Variants in ACYP2 observed in about 807,000 individuals in gnomAD.
ACYP2 encodes the protein acylphosphatase-2.
In ACYP2, 12 loss-of-function variants were observed where a neutral mutation model predicts 11.2. That is an observed-to-expected ratio of 1.08 (90% CI 0.69 to 1.74). The LOEUF (loss-of-function observed/expected upper bound fraction) is 1.74. ACYP2 is among the 40% of genes most tolerant of loss of function. The pLI, the probability that ACYP2 is intolerant of heterozygous loss-of-function variation, is 0.00. For synonymous variants in ACYP2, 43 were observed against 32.2 expected (o/e 1.33, Z -1.13); for missense variants, 134 against 101.9 (o/e 1.31, Z -1.35).
chr2:54,206,515 A>C (rs1463668606), intron 6 of ACYP2, among the ~76,000 whole-genome samples: 3 of 152,234 alleles, frequency 2.0e-5, no homozygotes, highest in Non-Finnish European at 4.4e-5. Context: ...TAGAAACGAT[A>C]TCTCTATTGT....
intron 6 of ACYP2, among the ~76,000 whole-genome samples, chr2:54,265,762 T>C (rs1026173610): frequency 2.6e-5 from 4 of 152,236 alleles, no homozygotes; most frequent in Non-Finnish European, 2.9e-5. Flanking sequence ...TTGGGAAAGT[T>C]ACTTTTGTGC....
chr2:54,075,667 G>A (rs1677299590), intron 4 of ACYP2, among the ~76,000 whole-genome samples: 1 of 152,014 alleles, frequency 6.6e-6, no homozygotes. Flanking sequence ...GCAAAAATTA[G>A]CCAGGTGTGG....
At chr2:54,282,896 T>C (rs1385383333) in intron 6 of ACYP2, among the ~76,000 whole-genome samples, 1 of 152,076 alleles carries the variant, frequency 6.6e-6, no homozygotes, top group African/African-American at 2.4e-5. Flanking sequence ...TATCTAAGAG[T>C]GGGGCTGGGA....
chr2:54,114,549 T>C (rs768875903), intron 4 of ACYP2, among the ~76,000 whole-genome samples: 2 of 152,132 alleles, frequency 1.3e-5, no homozygotes, highest in Non-Finnish European at 2.9e-5. Flanking sequence ...CTGGGTGAGG[T>C]GGCGCATGCC....
In ACYP2 at chr2:54,152,115, C is replaced by CTTTTT. The variant is rs59900871; in HGVS notation, c.404+13384_404+13388dup. On this transcript the variant is annotated intron_variant, in intron 6 of 6. Transcript: ENST00000607452. Reference sequence around the variant, plus strand: ...CTGATAGGTTACATTAGGGTTGACTCTTTTTTTTTTTTTTTTTTTTTGAGG... The same window carrying CTTTTT: ...CTGATAGGTTACATTAGGGTTGACTCTTTTTTTTTTTTTTTTTTTTTTTTTTGAGG... Among the ~76,000 whole-genome samples, 76 of 106,928 alleles carry CTTTTT rather than the reference C, an allele frequency of 7.1e-4. 2 individuals are homozygous for CTTTTT. The highest frequency in any genetic ancestry group is 2.0e-3 in the African/African-American group (56 of 28,480). 70.1% of individuals were successfully genotyped at this position (106,928 alleles called of 152,430 possible). A position where few individuals can be genotyped will look rare whatever the true frequency, so the allele number is the denominator to read the frequency against.
intron 6 of ACYP2, among the ~76,000 whole-genome samples, chr2:54,257,786 A>G (rs1444134227): frequency 2.6e-5 from 4 of 152,236 alleles, no homozygotes; most frequent in African/African-American, 4.8e-5. Context: ...CTTAGATGAA[A>G]TATATGGCTT....
chr2:54,105,502 A>T (rs951910552), intron 4 of ACYP2, among the ~76,000 whole-genome samples: 1 of 151,892 alleles, frequency 6.6e-6, no homozygotes, highest in African/African-American at 2.4e-5. Context: ...TTTTTGAGGC[A>T]GGGTCTCGTT....
chr2:54,236,200 T>G (rs1686470013), intron 6 of ACYP2, among the ~76,000 whole-genome samples: 1 of 152,150 alleles, frequency 6.6e-6, no homozygotes, highest in African/African-American at 2.4e-5. Flanking sequence ...CCTCCCAAAG[T>G]GCTGGGATTA....
Position 54,219,905 on chromosome 2 carries a change from A to ATATATATTTT in ACYP2, c.404+81158_404+81159insATATATTTTT, listed in dbSNP as rs1288814375. ...TGTATATATATATATATATATATAT[A>ATATATATTTT]TTTTTTTTTTTTTTTTAGTAGAGAT... On this transcript the variant is annotated intron_variant, in intron 6 of 6. Coordinates refer to ENST00000607452, the MANE Select transcript of ACYP2 (RefSeq NM_001320586.2). Among the ~76,000 whole-genome samples the ATATATATTTT allele has an allele frequency of 5.4e-3, 407 of 75,828 alleles. 3 individuals carry two copies. Among genetic ancestry groups the ATATATATTTT allele is most frequent in the East Asian group, 0.017 (40 of 2,408 alleles). The allele number at this position is 75,828 out of a possible 152,430, so 49.7% of individuals were successfully genotyped here.
intron 4 of ACYP2, among the ~76,000 whole-genome samples, chr2:54,095,697 G>A (rs1341928156): frequency 1.5e-5 from 2 of 130,658 alleles, no homozygotes; most frequent in Non-Finnish European, 1.7e-5. Flanking sequence ...GGGGCGGCTG[G>A]CCGGGCAGAG....
At position 54,265,244 on chromosome 2, in the gene ACYP2, T is replaced by A. The variant is rs971842977; in HGVS notation, c.405-39444T>A. ...ACGTGGCTGGGGAGGCCTCACAATC[T>A]TGGTGGAAGGCAAGGAGGAGCAAGT... On this transcript the variant is annotated intron_variant, in intron 6 of 6. Coordinates refer to ENST00000607452, the MANE Select transcript of ACYP2 (RefSeq NM_001320586.2). Among the ~76,000 whole-genome samples, 3 of 152,154 alleles carry A rather than the reference T, an allele frequency of 2.0e-5. No individual in the cohort carries two copies. In the South Asian group the frequency reaches 6.2e-4, roughly 32 times the overall value.
Position 54,185,662 on chromosome 2 carries a change from G to C in ACYP2, c.404+46914G>C, listed in dbSNP as rs562089354. ...TGAAATAGAATAGAAAGTCTAGATAGATAAATATGCATTTATTTGGTGAAC... is the reference window on the plus strand; with the variant it reads ...TGAAATAGAATAGAAAGTCTAGATACATAAATATGCATTTATTTGGTGAAC... On this transcript the variant is annotated intron_variant, in intron 6 of 6. Transcript: ENST00000607452. 1.1e-4 allele frequency among the ~76,000 whole-genome samples: 16 copies of C among 152,274 alleles called. No homozygotes were observed. In the South Asian group the frequency reaches 3.3e-3, roughly 32 times the overall value.
chr2:53,989,981 C>CTTTTTTTTTT (rs112395166), intron 2 of ACYP2, among the ~76,000 whole-genome samples: 4 of 143,186 alleles, frequency 2.8e-5, no homozygotes, highest in Non-Finnish European at 6.1e-5. Context: ...CTTTTCTTTT[C>CTTTTTTTTTT]TTTTTTTTTT....
intron 6 of ACYP2, among the ~76,000 whole-genome samples, chr2:54,202,728 TTTTTTTTTTTTTTTTTTTTG>T (rs1684905398): frequency 1.7e-5 from 2 of 118,836 alleles, no homozygotes; most frequent in African/African-American, 6.7e-5. Context: ...TTTTTTTTTT[TTTTTTTTTTTTTTTTTTTTG>T]AGATGAGTCT....
At chr2:54,108,222 C>T (rs2103713397) in intron 4 of ACYP2, among the ~76,000 whole-genome samples, 1 of 152,316 alleles carries the variant, frequency 6.6e-6, no homozygotes, top group South Asian at 2.1e-4. Context: ...CTGGTGGAAA[C>T]TCTATCACAT....
chr2:54,014,523 G>A (rs1310903501), intron 2 of ACYP2, among the ~76,000 whole-genome samples: 3 of 152,066 alleles, frequency 2.0e-5, no homozygotes, highest in African/African-American at 7.2e-5. Context: ...GTTTCACCAC[G>A]TTGGCCAGGC....
chr2:53,982,828 CTGTGTGTGTGTG>C (rs3066946), intron 2 of ACYP2, among the ~76,000 whole-genome samples: 1,583 of 140,508 alleles, frequency 0.011, 24 homozygotes, highest in African/African-American at 0.036. Context: ...TCACACAAGA[CTGTGTGTGTGTG>C]TGTGTGTGTG....
At chr2:54,271,599 C>G (rs1324032331) in intron 6 of ACYP2, among the ~76,000 whole-genome samples, 2 of 152,002 alleles carry the variant, frequency 1.3e-5, no homozygotes, top group Non-Finnish European at 2.9e-5. Flanking sequence ...ATTATCCATA[C>G]AAACCCTAGC....
At chr2:54,004,492 GTTCTGTCT>G (rs1672957450) in intron 2 of ACYP2, among the ~76,000 whole-genome samples, 1 of 139,844 alleles carries the variant, frequency 7.2e-6, no homozygotes, top group Non-Finnish European at 1.5e-5. Context: ...CTCACTGCAA[GTTCTGTCT>G]TCCGGGTTCA....
Sources: allele counts gnomAD v4.1 joint callset (sites outside exome capture counted in the v4.1 genomes callset), GRCh38; gene constraint gnomAD v4.1.1; transcripts MANE v1.5; gene names NCBI Gene and HGNC (gene_info 2026-07-23, HGNC 2026-07-21).